The following KPNA1 variants were observed in gnomAD, a reference collection of about 807,000 sequenced individuals.
The protein encoded by KPNA1 is importin subunit alpha-5.
A neutral mutation model predicts 70.5 loss-of-function variants in KPNA1; 10 were observed. The ratio of observed to expected loss-of-function variants is 0.14; its 90% CI spans 0.09 to 0.24. The LOEUF is 0.24. Among genes scored for constraint, KPNA1 ranks in the 10% least tolerant of loss-of-function variants. The pLI, the probability that KPNA1 is intolerant of heterozygous loss-of-function variation, is 1.00. For missense variants in KPNA1, 397 were observed against 637.9 expected, an observed-to-expected ratio of 0.62 and a Z score of 4.07; for synonymous variants, 192 against 221.9, an observed-to-expected ratio of 0.87 and a Z score of 1.20.
intron 12 of KPNA1, among the ~76,000 whole-genome samples, chr3:122,431,808 T>C (rs951610543): frequency 1.1e-4 from 17 of 151,044 alleles, no homozygotes; most frequent in South Asian, 4.1e-4. Flanking sequence ...TCTTCTTCTT[T>C]TTTTTTTTTT....
At chr3:122,468,131 A>G (rs2076401858) in intron 2 of KPNA1, among the ~76,000 whole-genome samples, 1 of 152,252 alleles carries the variant, frequency 6.6e-6, no homozygotes. Context: ...TGTTTCAGCC[A>G]TTGGACAATA....
chr3:122,427,333 G>A (rs2107712649), intron 13 of KPNA1, 161 bp from the exon 14 acceptor site: 1 of 728,228 alleles, frequency 1.4e-6, no homozygotes, highest in Non-Finnish European at 2.2e-6. Flanking sequence ...GCACAGAAAT[G>A]ACTGCTGGGA....
At chr3:122,463,184 T>C (rs189459111) in intron 4 of KPNA1, among the ~76,000 whole-genome samples, 2 of 152,004 alleles carry the variant, frequency 1.3e-5, no homozygotes, top group Non-Finnish European at 1.5e-5. Context: ...CCGTCTCTAC[T>C]AAAAATACAA....
At position 122,449,548 on chromosome 3, in the gene KPNA1, GACACACTTTCTAAA is replaced by G. The variant is rs773878876; in HGVS notation, c.917+12_917+25del. 1.3e-6 allele frequency: 2 copies of G among 1,575,066 alleles called. No homozygotes were observed. The highest frequency in any genetic ancestry group is 1.7e-6 in the Non-Finnish European group (2 of 1,153,668). ...AACTAGTACCAAGGGAGAGAAAGTGGACACACTTTCTAAAAGATATCTTACATCAGCAGTTCCAC... is the reference window on the plus strand; with the variant it reads ...AACTAGTACCAAGGGAGAGAAAGTGGAGATATCTTACATCAGCAGTTCCAC... On this transcript the variant is annotated intron_variant, in intron 9 of 13. Transcript: ENST00000344337.
At position 122,501,246 on chromosome 3, in the gene KPNA1, C is replaced by T. The variant is rs182307243; in HGVS notation, c.-5-4676G>A. ...GTTTCACCATGTTGGCCAGGCTGGT[C>T]AACTCCTGACCTCAAGTGATCCACC... is the stretch of plus-strand genomic sequence containing the variant. On this transcript the variant is annotated intron_variant, in intron 1 of 13. Transcript: ENST00000344337. Among the ~76,000 whole-genome samples, 4 of 151,912 alleles carry T rather than the reference C, an allele frequency of 2.6e-5. No individual in the cohort carries two copies. The East Asian group carries it at 7.8e-4, about 30-fold the overall frequency.
At chr3:122,427,317 A>C in intron 13 of KPNA1, 145 bp from the exon 14 acceptor site, 2 of 749,734 alleles carry the variant, frequency 2.7e-6, no homozygotes, top group East Asian at 5.4e-5. Context: ...TAAGTATTTT[A>C]TAATAGCACA....
chr3:122,483,905 T>C (rs572590000), intron 2 of KPNA1, among the ~76,000 whole-genome samples: 32 of 152,328 alleles, frequency 2.1e-4, no homozygotes, highest in African/African-American at 6.7e-4. Context: ...AAAATGGCAA[T>C]ATGGAATCAC....
chr3:122,512,450 G>A (rs968234118), intron 1 of KPNA1, among the ~76,000 whole-genome samples: 1 of 152,210 alleles, frequency 6.6e-6, no homozygotes, highest in African/African-American at 2.4e-5. Flanking sequence ...GGCTGGGCGC[G>A]GTGGCTCATG....
At chr3:122,481,120 C>T (rs1044048494) in intron 2 of KPNA1, among the ~76,000 whole-genome samples, 6 of 152,206 alleles carry the variant, frequency 3.9e-5, no homozygotes, top group African/African-American at 1.4e-4. Context: ...TGTAGATTTA[C>T]CACATAACCC....
chr3:122,501,437 G>C (rs2076828486), intron 1 of KPNA1, among the ~76,000 whole-genome samples: 1 of 152,082 alleles, frequency 6.6e-6, no homozygotes, highest in Non-Finnish European at 1.5e-5. Flanking sequence ...ATCCCAAAGT[G>C]TTTTCTGATT....
chr3:122,489,838 A>G (rs1429111637), intron 2 of KPNA1, among the ~76,000 whole-genome samples: 1 of 152,198 alleles, frequency 6.6e-6, no homozygotes, highest in African/African-American at 2.4e-5. Context: ...TTCGGTATAC[A>G]GCTAAGTTAT....
chr3:122,422,737 A>C lies in KPNA1; in HGVS notation c.*4248T>G, dbSNP rs1479191638. On this transcript the variant is annotated 3_prime_UTR_variant, in exon 14 of 14. Transcript: ENST00000344337. ...ACTTTGTCATCTATAATATAGTGAC[A>C]ATTATCAAAGAACATTTGGAAGACT... The C allele has an allele frequency of 2.0e-5, 3 of 152,254 alleles. No homozygotes were observed. The highest frequency in any genetic ancestry group is 7.2e-5 in the African/African-American group (3 of 41,458). The allele number at this position is 152,254 out of a possible 1,614,324, so 9.4% of individuals were successfully genotyped here. A position where few individuals can be genotyped will look rare whatever the true frequency, so the allele number is the denominator to read the frequency against.
chr3:122,433,758 G>A lies in KPNA1; in HGVS notation c.1153C>T (p.Leu385Phe), dbSNP rs773210024. 3 of 1,610,532 alleles carry A rather than the reference G, an allele frequency of 1.9e-6. No homozygotes were observed. Among genetic ancestry groups the A allele is most frequent in the Admixed American group, 3.4e-5 (2 of 59,338 alleles). ...TVIDANIFPA[L>F]ISILQTAEFR... The stretch of plus-strand genomic sequence containing the variant: ...TCAGCAGTTTGTAAAATACTAATGA[G>A]GGCTGGGAAAATGTTGGCATCTATC... The change falls in exon 12 of 14, where the codon CTC (leucine) becomes TTC (phenylalanine). Residue 385 changes from leucine to phenylalanine, a missense_variant. Transcript: ENST00000344337.
In KPNA1 at chr3:122,443,501, C is replaced by G. The variant is rs561461371; in HGVS notation, c.918-1385G>C. On this transcript the variant is annotated intron_variant, in intron 9 of 13. Coordinates refer to ENST00000344337, the MANE Select transcript of KPNA1 (RefSeq NM_002264.4). ...GCTCTGAGAATGGACAGACTACCTCCTCAAGTGGGTCCCTGAACCCCGTGT... is the reference window on the plus strand; with the variant it reads ...GCTCTGAGAATGGACAGACTACCTCGTCAAGTGGGTCCCTGAACCCCGTGT... 3.2e-4 allele frequency among the ~76,000 whole-genome samples: 49 copies of G among 152,306 alleles called. 2 individuals are homozygous for G. Among genetic ancestry groups the G allele is most frequent in the Non-Finnish European group, 1.3e-4 (9 of 68,014 alleles).
chr3:122,449,618 C>G lies in KPNA1; in HGVS notation c.873G>C (p.Ala291=), dbSNP rs75790575. The G allele has an allele frequency of 8.8e-4, 1,426 of 1,613,866 alleles. 9 individuals are homozygous for G. The East Asian group carries it at 0.015, about 17-fold the overall frequency. Residue 291 remains alanine, a synonymous_variant, in exon 9 of 14, where the codon GCG becomes GCC. Transcript: ENST00000344337. ...TCCTACATACTCCCGCATCGATGAC[C>G]GCTTGAATTTTATCATTGGGTCCAT... ...LSDGPNDKIQ[A]VIDAGVCRRL...
intron 2 of KPNA1, among the ~76,000 whole-genome samples, chr3:122,494,717 T>C (rs1178585972): frequency 6.6e-6 from 1 of 152,168 alleles, no homozygotes; most frequent in Non-Finnish European, 1.5e-5. Flanking sequence ...TAGATTGCTT[T>C]CGGTAGTATA....
intron 5 of KPNA1, among the ~76,000 whole-genome samples, chr3:122,456,867 A>G (rs2076270347): frequency 6.6e-6 from 1 of 152,240 alleles, no homozygotes; most frequent in African/African-American, 2.4e-5. Context: ...CACTGAAAAT[A>G]CAACCATATT....
chr3:122,487,822 GAT>G (rs1373694221), intron 2 of KPNA1, among the ~76,000 whole-genome samples: 4 of 152,150 alleles, frequency 2.6e-5, no homozygotes, highest in Non-Finnish European at 4.4e-5. Flanking sequence ...AAAAGTTCTA[GAT>G]ATATGTTATA....
chr3:122,490,190 C>A (rs945228869), intron 2 of KPNA1, among the ~76,000 whole-genome samples: 26 of 152,370 alleles, frequency 1.7e-4, no homozygotes, highest in Admixed American at 1.2e-3. Flanking sequence ...ACAGGTCTCT[C>A]TTCTTTGATA....
Sources: gnomAD v4.1 joint callset for allele counts (sites outside exome capture counted in the v4.1 genomes callset) on GRCh38, gnomAD v4.1.1 for gene constraint, MANE v1.5 for transcripts, NCBI Gene and HGNC (gene_info 2026-07-23, HGNC 2026-07-21) for gene names.